The following TANC1 variants were observed in gnomAD, a reference collection of about 807,000 sequenced individuals.
TANC1 encodes the protein protein TANC1.
Under a neutral mutation model 149.7 loss-of-function variants are expected in TANC1, and 77 were observed. The observed-to-expected ratio is 0.51, with a 90% CI of 0.43 to 0.62. TANC1 has a LOEUF of 0.62. Among genes scored for constraint, TANC1 ranks in the 20% least tolerant of loss-of-function variants. The probability of loss-of-function intolerance (pLI) is 0.00; values close to 1 mark genes in which losing one functional copy is unlikely to be tolerated. For synonymous variants in TANC1, 854 were observed against 925.0 expected (o/e 0.92, Z 1.39); for missense variants, 1,985 against 2,321.8 (o/e 0.85, Z 2.98).
At chr2:159,160,952 G>A (rs147860333) in intron 7 of TANC1, among the ~76,000 whole-genome samples, 20 of 151,958 alleles carry the variant, frequency 1.3e-4, no homozygotes, top group African/African-American at 4.3e-4. Context: ...CTCCCTGCCA[G>A]GACCTGAGTG....
At chr2:159,196,838 G>T in intron 18 of TANC1, 45 bp downstream of exon 18, 1 of 1,550,738 alleles carries the variant, frequency 6.4e-7, no homozygotes. Flanking sequence ...AGAAGCTGTA[G>T]CCCAGCAAGT....
chr2:159,088,723 T>C (rs762696197), intron 3 of TANC1, among the ~76,000 whole-genome samples: 59 of 152,302 alleles, frequency 3.9e-4, no homozygotes, highest in Non-Finnish European at 6.3e-4. Context: ...CTATCATTAG[T>C]GTATTTTACG....
chr2:159,019,074 GT>G (rs1253770723), intron 2 of TANC1, among the ~76,000 whole-genome samples: 1 of 152,206 alleles, frequency 6.6e-6, no homozygotes, highest in Non-Finnish European at 1.5e-5. Flanking sequence ...TAATACCCTA[GT>G]TTTGCAGATG....
intron 4 of TANC1, among the ~76,000 whole-genome samples, chr2:159,129,669 T>G (rs1043840856): frequency 5.3e-5 from 8 of 152,152 alleles, no homozygotes; most frequent in African/African-American, 1.9e-4. Flanking sequence ...TAAGGGTCCT[T>G]TATAACTTTG....
intron 2 of TANC1, among the ~76,000 whole-genome samples, chr2:159,014,820 A>G (rs549013947): frequency 2.0e-5 from 3 of 152,324 alleles, no homozygotes; most frequent in South Asian, 2.1e-4. Context: ...CTTTGTCTCC[A>G]TGTCTCACAT....
At chr2:159,134,731 G>A (rs917492521) in intron 4 of TANC1, among the ~76,000 whole-genome samples, 5 of 151,644 alleles carry the variant, frequency 3.3e-5, no homozygotes, top group African/African-American at 9.7e-5. Flanking sequence ...TGATCCACCC[G>A]CCTCGGCCTC....
chr2:159,025,189 T>TTTTTC (rs1491417289), intron 2 of TANC1, among the ~76,000 whole-genome samples: 11 of 105,222 alleles, frequency 1.0e-4, no homozygotes, highest in African/African-American at 4.0e-4. Context: ...TTTTTCTTTC[T>TTTTTC]TTTCTTTCTT....
intron 5 of TANC1, among the ~76,000 whole-genome samples, chr2:159,147,155 C>T (rs1256802472): frequency 5.9e-5 from 9 of 152,126 alleles, no homozygotes; most frequent in Admixed American, 5.9e-4. Flanking sequence ...CTCTCTCTGC[C>T]TCCACGGCAG....
intron 22 of TANC1, among the ~76,000 whole-genome samples, chr2:159,222,705 T>G (rs1410752153): frequency 6.6e-6 from 1 of 152,222 alleles, no homozygotes; most frequent in Non-Finnish European, 1.5e-5. Context: ...AATGTGGGTG[T>G]CCAAGTATTT....
chr2:159,042,075 G>C (rs544922739), intron 2 of TANC1, among the ~76,000 whole-genome samples: 2 of 152,278 alleles, frequency 1.3e-5, no homozygotes, highest in South Asian at 4.1e-4. Flanking sequence ...CCCATCCCCT[G>C]TATTACTCCC....
intron 3 of TANC1, among the ~76,000 whole-genome samples, chr2:159,083,982 TG>T (rs1232405138): frequency 3.9e-5 from 6 of 152,184 alleles, no homozygotes; most frequent in Non-Finnish European, 7.3e-5. Flanking sequence ...CTGGGCATGG[TG>T]GCTTACGCCT....
At chr2:159,107,549 C>A (rs1212599723) in intron 4 of TANC1, among the ~76,000 whole-genome samples, 1 of 152,182 alleles carries the variant, frequency 6.6e-6, no homozygotes, top group Non-Finnish European at 1.5e-5. Flanking sequence ...CAACTTCATT[C>A]TCTTTCACGT....
intron 19 of TANC1, among the ~76,000 whole-genome samples, chr2:159,209,681 A>G (rs1208483085): frequency 6.6e-6 from 1 of 152,204 alleles, no homozygotes; most frequent in South Asian, 2.1e-4. Flanking sequence ...AAAAAAAGAA[A>G]AAATCCTAAA....
intron 2 of TANC1, among the ~76,000 whole-genome samples, chr2:159,044,595 C>T (rs2040898807): frequency 6.6e-6 from 1 of 152,018 alleles, no homozygotes; most frequent in South Asian, 2.1e-4. Context: ...AGAATGGTGC[C>T]TCCAATCCCA....
chr2:159,000,164 A>C (rs2149321509), intron 1 of TANC1, among the ~76,000 whole-genome samples: 1 of 152,250 alleles, frequency 6.6e-6, no homozygotes, highest in East Asian at 1.9e-4. Flanking sequence ...CAAGGATGAA[A>C]GGTGAACCGG....
At position 159,217,641 on chromosome 2, in the gene TANC1, G is replaced by A; in HGVS notation, c.3378+11G>A. On this transcript the variant is annotated intron_variant, in intron 20 of 26. Transcript: ENST00000263635. ...CAGGGGCATTGGCAGGTACCCAGGG[G>A]GCCCCTGAATGCTTCAGAAGCAATG... 1 of 1,613,716 alleles carries A rather than the reference G, an allele frequency of 6.2e-7. No homozygotes were observed. The highest frequency in any genetic ancestry group is 8.5e-7 in the Non-Finnish European group (1 of 1,179,930).
At chr2:159,220,061 T>C (rs923218093) in intron 22 of TANC1, among the ~76,000 whole-genome samples, 194 bp downstream of exon 22, 1 of 150,960 alleles carries the variant, frequency 6.6e-6, no homozygotes, top group Non-Finnish European at 1.5e-5. Flanking sequence ...TTCTGTGACA[T>C]GCAGTCTATT....
chr2:158,983,921 A>G (rs189757524), intron 1 of TANC1, among the ~76,000 whole-genome samples: 5 of 152,352 alleles, frequency 3.3e-5, no homozygotes, highest in Non-Finnish European at 5.9e-5. Flanking sequence ...GAATGCCTGG[A>G]TATCTATGGT....
rs1002443153 is a variant in TANC1, at chr2:159,135,190, G to A, written c.260-1004G>A. 2.0e-5 allele frequency among the ~76,000 whole-genome samples: 3 copies of A among 150,950 alleles called. No homozygotes were observed. The South Asian group carries it at 6.2e-4, about 31-fold the overall frequency. ...CTATTCTGGGCATGACATATGAATG[G>A]AATCATGTAGATCCTTTGTGACTGG... On this transcript the variant is annotated intron_variant, in intron 4 of 26. Transcript: ENST00000263635.
Sources: gnomAD v4.1 joint callset for allele counts (sites outside exome capture counted in the v4.1 genomes callset) on GRCh38, gnomAD v4.1.1 for gene constraint, MANE v1.5 for transcripts, NCBI Gene and HGNC (gene_info 2026-07-23, HGNC 2026-07-21) for gene names.